The following RCC1L variants were observed in gnomAD, a reference collection of about 807,000 sequenced individuals.
RCC1L encodes RCC1 like, also known as RCC1-like G exchanging factor-like protein.
RCC1L carries 46 observed loss-of-function variants against 58.6 expected under a neutral mutation model. That is an observed-to-expected ratio of 0.79 (90% CI 0.62 to 1.00). RCC1L has a LOEUF of 1.00. Among genes scored for constraint, RCC1L ranks in the 50% least tolerant of loss-of-function variants. RCC1L has a pLI of 0.00. For missense variants in RCC1L, 636 were observed against 623.6 expected (o/e 1.02, Z -0.21); for synonymous variants, 281 against 262.9 (o/e 1.07, Z -0.67).
chr7:75,059,812 A>C (rs1296349883), intron 6 of RCC1L, among the ~76,000 whole-genome samples: 5 of 152,196 alleles, frequency 3.3e-5, no homozygotes, highest in Non-Finnish European at 5.9e-5. Context: ...CAGGGAACTT[A>C]AAATGGCATG....
chr7:75,046,615 G>A (rs1367449549), intron 10 of RCC1L, among the ~76,000 whole-genome samples: 1 of 152,216 alleles, frequency 6.6e-6, no homozygotes, highest in Non-Finnish European at 1.5e-5. Flanking sequence ...CTGAGTCCAA[G>A]AGGAGACTGC....
intron 10 of RCC1L, among the ~76,000 whole-genome samples, chr7:75,030,014 C>A (rs879107261): frequency 4.6e-5 from 7 of 152,088 alleles, no homozygotes; most frequent in African/African-American, 1.7e-4. Flanking sequence ...ACGAAAGAGG[C>A]CCCAGGGAAG....
In RCC1L at chr7:75,070,553, G is replaced by T. The variant is rs587598264; in HGVS notation, c.454+87C>A. The stretch of plus-strand genomic sequence containing the variant: ...GCCACTGCACTCTAGCCTGGCAACA[G>T]ACTGAGACTCTGTCTCAAAAAAAAT... On this transcript the variant is annotated intron_variant, in intron 2 of 10. Coordinates refer to ENST00000610322, the MANE Select transcript of RCC1L (RefSeq NM_030798.5). 2.7e-4 allele frequency: 411 copies of T among 1,535,104 alleles called. 6 individuals are homozygous for T. In the South Asian group the frequency reaches 4.8e-3, roughly 18 times the overall value.
intron 5 of RCC1L, 57 bp downstream of exon 5, chr7:75,063,235 A>C: frequency 6.2e-7 from 1 of 1,605,728 alleles, no homozygotes; most frequent in South Asian, 1.1e-5. Flanking sequence ...CCCAAATCTC[A>C]ACTTTTCAAA....
intron 10 of RCC1L, among the ~76,000 whole-genome samples, chr7:75,050,550 G>A (rs956641016): frequency 4.6e-5 from 7 of 152,154 alleles, no homozygotes; most frequent in African/African-American, 1.4e-4. Context: ...CCCAAAACCC[G>A]GCTGCTTTAA....
intron 10 of RCC1L, among the ~76,000 whole-genome samples, chr7:75,052,261 C>T (rs1006888987): frequency 6.6e-5 from 10 of 152,190 alleles, no homozygotes; most frequent in Admixed American, 1.3e-4. Context: ...CAGCTTCTAG[C>T]GTGCCAACTT....
At chr7:75,034,583 C>A (rs909900690) in intron 10 of RCC1L, among the ~76,000 whole-genome samples, 4 of 152,126 alleles carry the variant, frequency 2.6e-5, no homozygotes, top group African/African-American at 9.7e-5. Flanking sequence ...TGGAGGTCTT[C>A]GCCTTGTAAA....
intron 10 of RCC1L, among the ~76,000 whole-genome samples, chr7:75,044,597 T>G (rs1432086963): frequency 3.6e-5 from 2 of 54,934 alleles, no homozygotes; most frequent in African/African-American, 1.1e-4. Flanking sequence ...AGACTCTGTC[T>G]CGAAAAAAAA....
intron 4 of RCC1L, among the ~76,000 whole-genome samples, chr7:75,064,314 G>A (rs1004776782): frequency 4.2e-4 from 59 of 139,242 alleles, no homozygotes; most frequent in Admixed American, 6.2e-4. Flanking sequence ...TGGCGACAGA[G>A]CAAGAGTCCA....
intron 2 of RCC1L, among the ~76,000 whole-genome samples, chr7:75,068,454 G>A (rs1032076704): frequency 1.3e-5 from 2 of 152,292 alleles, no homozygotes; most frequent in East Asian, 1.9e-4. Context: ...GGGAGGCCAA[G>A]GCAGGTGGAC....
chr7:75,043,168 G>C (rs1014995656), intron 10 of RCC1L, 59 bp from the exon 11 acceptor site: 1 of 1,597,010 alleles, frequency 6.3e-7, no homozygotes, highest in Middle Eastern at 1.8e-4. Context: ...GGAGACAGGC[G>C]CTGGTGTTGG....
intron 10 of RCC1L, among the ~76,000 whole-genome samples, chr7:75,048,666 G>C (rs1303861815): frequency 6.6e-6 from 1 of 152,238 alleles, no homozygotes; most frequent in Non-Finnish European, 1.5e-5. Flanking sequence ...GCGCTCCCTG[G>C]GGGATGAGGG....
At chr7:75,066,540 A>T (rs1806492818) in intron 3 of RCC1L, 124 bp downstream of exon 3, 1 of 1,334,368 alleles carries the variant, frequency 7.5e-7, no homozygotes, top group Non-Finnish European at 1.0e-6. Context: ...CTGCTCAGGA[A>T]ATACCACATT....
At chr7:75,028,472 C>T (rs1445820896) in intron 10 of RCC1L, among the ~76,000 whole-genome samples, 1 of 151,996 alleles carries the variant, frequency 6.6e-6, no homozygotes, top group East Asian at 1.9e-4. Context: ...CACTTGAGCT[C>T]CTGGAGTGTG....
rs1805598542 is a variant in RCC1L, at chr7:75,042,581, C to T, written c.*451G>A. On this transcript the variant is annotated 3_prime_UTR_variant, in exon 11 of 11. Coordinates refer to ENST00000610322, the MANE Select transcript of RCC1L (RefSeq NM_030798.5). ...ATGAAAACCGAGGGCCGAAGCCAGC[C>T]TGACTCCCTCGCCTAAGCTGGGGCT... 6.0e-6 allele frequency: 6 copies of T among 1,003,472 alleles called. No homozygotes were observed. The South Asian group carries it at 2.5e-4, about 42-fold the overall frequency. The allele number at this position is 1,003,472 out of a possible 1,614,324, so 62.2% of individuals were successfully genotyped here.
At chr7:75,045,929 C>T (rs1243117664) in intron 10 of RCC1L, among the ~76,000 whole-genome samples, 2 of 152,276 alleles carry the variant, frequency 1.3e-5, no homozygotes, top group African/African-American at 4.8e-5. Context: ...ATTCGACCAC[C>T]CTCCCCTGGT....
chr7:75,027,913 G>T, exon 11 of RCC1L: 2 of 1,122,554 alleles, frequency 1.8e-6, no homozygotes, highest in Non-Finnish European at 2.6e-6. Flanking sequence ...TGGTCTGCTG[G>T]GTGGGAGGGT....
chr7:75,047,803 C>T (rs978232416), intron 10 of RCC1L, among the ~76,000 whole-genome samples: 1 of 151,120 alleles, frequency 6.6e-6, no homozygotes, highest in African/African-American at 2.4e-5. Context: ...TGCACCCCCA[C>T]GCCTGGCTAA....
chr7:75,028,052 T>C, exon 11 of RCC1L: 1 of 1,534,416 alleles, frequency 6.5e-7, no homozygotes, highest in Non-Finnish European at 8.7e-7. Context: ...GGGCCTGTTG[T>C]CTTGGCGCTG....
Sources: gnomAD v4.1 joint callset for allele counts (sites outside exome capture counted in the v4.1 genomes callset) on GRCh38, gnomAD v4.1.1 for gene constraint, MANE v1.5 for transcripts, NCBI Gene and HGNC (gene_info 2026-07-23, HGNC 2026-07-21) for gene names.